EHBP1: variants seen among roughly 807,000 people sequenced by gnomAD.
EHBP1 encodes the protein EH domain-binding protein 1.
In EHBP1, 55 loss-of-function variants were observed where a neutral mutation model predicts 144.0. The observed-to-expected ratio is 0.38, with a 90% CI of 0.31 to 0.48. EHBP1 has a LOEUF of 0.48. EHBP1 is among the 20% of genes least tolerant of loss of function. The probability of loss-of-function intolerance (pLI) is 0.98; values close to 1 mark genes in which losing one functional copy is unlikely to be tolerated. For synonymous variants in EHBP1, 469 were observed against 472.7 expected (o/e 0.99, Z 0.10); for missense variants, 1,200 against 1,364.2 (o/e 0.88, Z 1.90).
rs188151722 is a variant in EHBP1, at chr2:62,694,792, A to T, written c.-295-12105A>T. Among the ~76,000 whole-genome samples the T allele has an allele frequency of 1.3e-3, 191 of 152,214 alleles. 2 individuals carry two copies. Among genetic ancestry groups the T allele is most frequent in the African/African-American group, 4.4e-3 (184 of 41,518 alleles). On this transcript the variant is annotated intron_variant, in intron 1 of 22. Transcript: ENST00000405015. The stretch of plus-strand genomic sequence containing the variant: ...TCCTCTGTTTTGGCTTTTTTCTTCG[A>T]CTTGCTCCAGTGGAGGTCCCTGGCA...
intron 10 of EHBP1, among the ~76,000 whole-genome samples, chr2:62,894,925 GAA>G (rs201169317): frequency 5.2e-5 from 7 of 134,662 alleles, no homozygotes; most frequent in African/African-American, 8.8e-5. Flanking sequence ...AAAACAGAAA[GAA>G]AGAGAGAGAG....
rs1041647676 is a variant in EHBP1, at chr2:62,734,874, G to A, written c.105-12521G>A. Reference sequence around the variant, plus strand: ...TTCCAAAAGTGCTGCGCTTACAGGCGTGAGCCACTGTGCATGGCCCTTCCA... The same window carrying A: ...TTCCAAAAGTGCTGCGCTTACAGGCATGAGCCACTGTGCATGGCCCTTCCA... On this transcript the variant is annotated intron_variant, in intron 2 of 22. Coordinates refer to ENST00000431489, the MANE Select transcript of EHBP1 (RefSeq NM_001142616.3). Among the ~76,000 whole-genome samples, 7 of 152,226 alleles carry A rather than the reference G, an allele frequency of 4.6e-5. 1 individual carries two copies. The East Asian group carries it at 5.8e-4, about 13-fold the overall frequency.
chr2:62,741,670 A>G lies in EHBP1; in HGVS notation c.105-5725A>G, dbSNP rs1276338956. Among the ~76,000 whole-genome samples, 6 of 152,168 alleles carry G rather than the reference A, an allele frequency of 3.9e-5. No homozygotes were observed. In the South Asian group the frequency reaches 8.3e-4, roughly 21 times the overall value. On this transcript the variant is annotated intron_variant, in intron 2 of 22. Coordinates refer to ENST00000431489, the MANE Select transcript of EHBP1 (RefSeq NM_001142616.3). ...AGAGATATTTCTAAGGTCACTTAGT[A>G]TGAGAGCTAATTCCCGGTCTAGAAT...
rs1430777292 is a variant in EHBP1, at chr2:62,948,563, T to G, written c.1717T>G (p.Leu573Val). 1.9e-6 allele frequency: 3 copies of G among 1,613,988 alleles called. No individual in the cohort carries two copies. The highest frequency in any genetic ancestry group is 2.5e-6 in the Non-Finnish European group (3 of 1,180,006). The change falls in exon 13 of 23, where the codon TTA becomes GTA. Residue 573 changes from leucine (L) to valine (V), a missense_variant. Coordinates refer to ENST00000431489, the MANE Select transcript of EHBP1 (RefSeq NM_001142616.3). The stretch of plus-strand genomic sequence containing the variant: ...GCCTATCAGCGGAGCAGTAGACTTC[T>G]TATCACAGGATGACTCTGTATTTGT... Reference protein sequence around the residue: ...QQPISGAVDFLSQDDSVFVND... With the variant: ...QQPISGAVDFVSQDDSVFVND...
At chr2:62,971,526 A>G (rs2058494819) in intron 14 of EHBP1, among the ~76,000 whole-genome samples, 1 of 152,198 alleles carries the variant, frequency 6.6e-6, no homozygotes, top group Admixed American at 6.5e-5. Flanking sequence ...TAATCACTGT[A>G]GGGCCTCAGA....
intron 2 of EHBP1, among the ~76,000 whole-genome samples, chr2:62,740,444 A>G (rs1473814948): frequency 6.6e-6 from 1 of 152,196 alleles, no homozygotes; most frequent in Non-Finnish European, 1.5e-5. Flanking sequence ...TGGTAGTTTA[A>G]TAGGAGGCAG....
At chr2:62,731,685 T>C (rs1287974523) in intron 2 of EHBP1, among the ~76,000 whole-genome samples, 1 of 152,198 alleles carries the variant, frequency 6.6e-6, no homozygotes, top group Admixed American at 6.5e-5. Flanking sequence ...CCTGTTGATA[T>C]GATGGATTAC....
chr2:62,787,275 A>G (rs2042872622), intron 5 of EHBP1, among the ~76,000 whole-genome samples: 1 of 152,144 alleles, frequency 6.6e-6, no homozygotes, highest in African/African-American at 2.4e-5. Context: ...ATGGTTCTAA[A>G]GTTATATTTT....
chr2:62,735,959 G>A (rs1185673315), intron 2 of EHBP1, among the ~76,000 whole-genome samples: 2 of 151,726 alleles, frequency 1.3e-5, no homozygotes, highest in Admixed American at 6.6e-5. Flanking sequence ...TTGATTTTCT[G>A]TAGTTTGAAA....
At chr2:63,035,765 T>C (rs2061420244) in intron 19 of EHBP1, among the ~76,000 whole-genome samples, 1 of 152,056 alleles carries the variant, frequency 6.6e-6, no homozygotes, top group African/African-American at 2.4e-5. Context: ...AGGGTACAAT[T>C]GGCCTTTTTC....
chr2:62,935,281 A>T (rs2056292487), intron 10 of EHBP1, among the ~76,000 whole-genome samples: 1 of 149,874 alleles, frequency 6.7e-6, no homozygotes, highest in African/African-American at 2.5e-5. Context: ...GTTAGCCAAG[A>T]TCGTGCCAGT....
chr2:62,892,490 T>G (rs552886448), intron 10 of EHBP1, among the ~76,000 whole-genome samples: 1 of 152,270 alleles, frequency 6.6e-6, no homozygotes, highest in Non-Finnish European at 1.5e-5. Context: ...GTAGAGGTTG[T>G]CATTTGGCTT....
At chr2:62,977,328 A>G (rs2058761275) in intron 14 of EHBP1, among the ~76,000 whole-genome samples, 2 of 151,948 alleles carry the variant, frequency 1.3e-5, no homozygotes, top group South Asian at 4.2e-4. Flanking sequence ...TTTTTGCCCT[A>G]TGTTCAGGAA....
intron 10 of EHBP1, among the ~76,000 whole-genome samples, chr2:62,931,924 A>G (rs1377613822): frequency 6.6e-6 from 1 of 152,120 alleles, no homozygotes; most frequent in African/African-American, 2.4e-5. Context: ...CACACCTGTA[A>G]TCCTAGCACT....
chr2:62,753,332 C>T (rs1319393460), intron 3 of EHBP1, among the ~76,000 whole-genome samples: 1 of 152,120 alleles, frequency 6.6e-6, no homozygotes, highest in African/African-American at 2.4e-5. Context: ...TATTGGCCCC[C>T]ACTCTCTTCT....
intron 5 of EHBP1, among the ~76,000 whole-genome samples, chr2:62,816,114 C>T (rs1044540862): frequency 2.0e-5 from 3 of 152,060 alleles, no homozygotes; most frequent in Non-Finnish European, 4.4e-5. Flanking sequence ...CATACTTTTC[C>T]AGCTACATAT....
chr2:62,845,524 A>G lies in EHBP1; in HGVS notation c.635-13645A>G, dbSNP rs1017299371. The stretch of plus-strand genomic sequence containing the variant: ...AGATTAAATTCTACTTACTAGGGCT[A>G]TGAATGGAGATAAGTAGGTATCCCA... On this transcript the variant is annotated intron_variant, in intron 7 of 22. Transcript: ENST00000431489. Among the ~76,000 whole-genome samples the G allele has an allele frequency of 3.9e-5, 6 of 152,142 alleles. No individual in the cohort carries two copies. The East Asian group carries it at 9.6e-4, about 24-fold the overall frequency.
chr2:62,760,796 A>G (rs1302546922), intron 3 of EHBP1, among the ~76,000 whole-genome samples: 2 of 152,214 alleles, frequency 1.3e-5, no homozygotes, highest in Admixed American at 6.5e-5. Context: ...CCTGGTTGCT[A>G]GTATGAGTTC....
At chr2:62,844,700 A>T (rs567685318) in intron 7 of EHBP1, among the ~76,000 whole-genome samples, 17 of 152,314 alleles carry the variant, frequency 1.1e-4, no homozygotes, top group Non-Finnish European at 1.6e-4. Context: ...TACATCACAG[A>T]AAATCAAGTT....
Sources: allele counts gnomAD v4.1 joint callset (sites outside exome capture counted in the v4.1 genomes callset), GRCh38; gene constraint gnomAD v4.1.1; transcripts MANE v1.5; gene names NCBI Gene and HGNC (gene_info 2026-07-23, HGNC 2026-07-21).